The following TMEM154 variants were observed in gnomAD, a reference collection of about 807,000 sequenced individuals.
TMEM154 encodes the protein transmembrane protein 154.
TMEM154 carries 27 observed loss-of-function variants against 24.5 expected under a neutral mutation model. The observed-to-expected ratio is 1.10, with a 90% confidence interval of 0.81 to 1.52. The LOEUF is 1.52. TMEM154 is among the 40% of genes most tolerant of loss of function. The pLI is 0.00. For missense variants in TMEM154, 228 were observed against 213.4 expected (o/e 1.07, Z -0.43); for synonymous variants, 67 against 76.8 (o/e 0.87, Z 0.67).
Position 152,673,708 on chromosome 4 carries a change from T to G in TMEM154, c.64+6162A>C, listed in dbSNP as rs533700106. Among the ~76,000 whole-genome samples, 150 of 152,382 alleles carry G rather than the reference T, an allele frequency of 9.8e-4. 2 individuals are homozygous for G. In the South Asian group the frequency reaches 0.023, roughly 23 times the overall value. On this transcript the variant is annotated intron_variant, in intron 1 of 6. Coordinates refer to ENST00000304385, the MANE Select transcript of TMEM154 (RefSeq NM_152680.3). ...GACTTTTGAGACTGATTCACCTTGA[T>G]ACATTTGGCTGGAATTCATTAATTT...
chr4:152,647,044 C>T, intron 3 of TMEM154: 1 of 787,134 alleles, frequency 1.3e-6, no homozygotes, highest in East Asian at 2.7e-5. Flanking sequence ...TTTCCCTTTC[C>T]CTGAACATGA....
chr4:152,676,317 G>A (rs1467047158), intron 1 of TMEM154, among the ~76,000 whole-genome samples: 2 of 152,170 alleles, frequency 1.3e-5, no homozygotes. Context: ...ACCTACAGCT[G>A]GAAAGGTTCA....
chr4:152,664,294 T>C (rs937305518), intron 1 of TMEM154, among the ~76,000 whole-genome samples: 4 of 151,574 alleles, frequency 2.6e-5, no homozygotes, highest in African/African-American at 7.3e-5. Context: ...AAACACCACA[T>C]GTTCTCACTC....
chr4:152,656,622 T>C (rs905080347), intron 1 of TMEM154, among the ~76,000 whole-genome samples: 5 of 152,120 alleles, frequency 3.3e-5, no homozygotes, highest in East Asian at 1.9e-4. Flanking sequence ...TTTCCTCCCC[T>C]ATGAAAGTAA....
intron 6 of TMEM154, among the ~76,000 whole-genome samples, chr4:152,630,211 C>G (rs908099855): frequency 6.9e-6 from 1 of 145,072 alleles, no homozygotes; most frequent in African/African-American, 2.6e-5. Flanking sequence ...CCTCAGGAGG[C>G]TGAGGTGGGA....
chr4:152,646,741 A>G (rs1009582510), intron 3 of TMEM154: 1 of 563,740 alleles, frequency 1.8e-6, no homozygotes. Context: ...TCCTCTGTGC[A>G]TTCGATAGTG....
chr4:152,637,001 TG>T (rs1405195364), intron 6 of TMEM154, among the ~76,000 whole-genome samples: 3 of 152,136 alleles, frequency 2.0e-5, no homozygotes, highest in African/African-American at 7.2e-5. Flanking sequence ...TGGAAAACTT[TG>T]GGTGATAATG....
intron 3 of TMEM154, among the ~76,000 whole-genome samples, chr4:152,645,297 C>T (rs1003101666): frequency 6.6e-6 from 1 of 152,190 alleles, no homozygotes; most frequent in Non-Finnish European, 1.5e-5. Flanking sequence ...AATTGTCCAG[C>T]ACTGGGGTTC....
intron 6 of TMEM154, 125 bp downstream of exon 6, chr4:152,640,803 G>T: frequency 2.6e-6 from 2 of 776,094 alleles, no homozygotes; most frequent in Non-Finnish European, 4.2e-6. Context: ...CACATATCCA[G>T]CCGCGTAAAT....
chr4:152,676,230 C>T (rs1006901391), intron 1 of TMEM154, among the ~76,000 whole-genome samples: 1 of 152,228 alleles, frequency 6.6e-6, no homozygotes, highest in African/African-American at 2.4e-5. Context: ...CAGCCAGTCT[C>T]TGACCCAGTG....
chr4:152,640,892 C>CCA, intron 6 of TMEM154, 36 bp downstream of exon 6: 4 of 1,454,086 alleles, frequency 2.8e-6, no homozygotes, highest in Non-Finnish European at 3.8e-6. Flanking sequence ...CGCCCCCCGC[C>CCA]ATATACATGT....
At chr4:152,674,725 T>C (rs1728916163) in intron 1 of TMEM154, among the ~76,000 whole-genome samples, 1 of 152,158 alleles carries the variant, frequency 6.6e-6, no homozygotes, top group South Asian at 2.1e-4. Context: ...TGGGGGTATA[T>C]TCGAAAAGAA....
chr4:152,668,239 C>A (rs1197039110), intron 1 of TMEM154, among the ~76,000 whole-genome samples: 1 of 151,390 alleles, frequency 6.6e-6, no homozygotes, highest in Non-Finnish European at 1.5e-5. Context: ...ATTTTAAAAC[C>A]TTCAAAAAGT....
chr4:152,648,403 G>T (rs1423030284), intron 3 of TMEM154, among the ~76,000 whole-genome samples: 1 of 152,208 alleles, frequency 6.6e-6, no homozygotes, highest in Admixed American at 6.5e-5. Flanking sequence ...GCTGAGGTGG[G>T]AGGATCACTT....
intron 3 of TMEM154, among the ~76,000 whole-genome samples, chr4:152,650,633 T>C (rs1266914581): frequency 2.6e-5 from 4 of 152,220 alleles, no homozygotes; most frequent in Admixed American, 6.5e-5. Flanking sequence ...TCGGAAATGT[T>C]CTTAATGGCA....
chr4:152,629,507 T>C (rs1235937639), intron 6 of TMEM154, among the ~76,000 whole-genome samples: 1 of 152,222 alleles, frequency 6.6e-6, no homozygotes, highest in East Asian at 1.9e-4. Flanking sequence ...CCACACCTTT[T>C]TCCTGGTGGG....
intron 6 of TMEM154, among the ~76,000 whole-genome samples, chr4:152,638,936 T>C (rs1752200262): frequency 6.6e-6 from 1 of 152,174 alleles, no homozygotes. Flanking sequence ...ATTTTCTCAT[T>C]ATTTCAAAAA....
In TMEM154 at chr4:152,622,332, G is replaced by A. The variant is rs968277304; in HGVS notation, c.*6214C>T. The A allele has an allele frequency of 1.5e-4, 23 of 152,124 alleles. No homozygotes were observed. Among genetic ancestry groups the A allele is most frequent in the African/African-American group, 5.3e-4 (22 of 41,442 alleles). 9.4% of individuals were successfully genotyped at this position (152,124 alleles called of 1,614,324 possible). On this transcript the variant is annotated 3_prime_UTR_variant, in exon 7 of 7. Transcript: ENST00000304385. ...TTTCGTTTATTTAAAGAATTATATG[G>A]ATCAAAAGAGGGCAATTAAGAATTA...
intron 1 of TMEM154, among the ~76,000 whole-genome samples, chr4:152,667,359 G>A (rs1479589648): frequency 6.6e-6 from 1 of 152,076 alleles, no homozygotes; most frequent in Non-Finnish European, 1.5e-5. Flanking sequence ...AACATACAAG[G>A]GAATGGAGGA....
Sources: allele counts gnomAD v4.1 joint callset (sites outside exome capture counted in the v4.1 genomes callset), GRCh38; gene constraint gnomAD v4.1.1; transcripts MANE v1.5; gene names NCBI Gene and HGNC (gene_info 2026-07-23, HGNC 2026-07-21).